LRRC57: variants seen among roughly 807,000 people sequenced by gnomAD.
LRRC57 encodes leucine rich repeat containing 57.
Under a neutral mutation model 23.1 loss-of-function variants are expected in LRRC57, and 14 were observed. That is an observed-to-expected ratio of 0.61 (90% confidence interval 0.40 to 0.95). The LOEUF is 0.95. LRRC57 is among the 40% of genes least tolerant of loss of function. LRRC57 has a pLI of 0.00. For synonymous variants in LRRC57, 106 were observed against 115.2 expected (o/e 0.92, Z 0.51); for missense variants, 236 against 284.4 (o/e 0.83, Z 1.22).
chr15:42,535,460 T>G (rs1265426702), downstream of LRRC57, among the ~76,000 whole-genome samples: 5 of 152,036 alleles, frequency 3.3e-5, no homozygotes, highest in Non-Finnish European at 5.9e-5. Flanking sequence ...TTTTTTTTTT[T>G]TTTGAGACAG....
At chr15:42,534,123 TTTTG>T (rs1222455775), downstream of LRRC57, among the ~76,000 whole-genome samples, 1 of 152,040 alleles carries the variant, frequency 6.6e-6, no homozygotes, top group African/African-American at 2.4e-5. Context: ...GAAGTCTCTT[TTTTG>T]TTTGTTTTGT....
chr15:42,534,956 A>T (rs1034081687), downstream of LRRC57, among the ~76,000 whole-genome samples: 42 of 152,216 alleles, frequency 2.8e-4, no homozygotes, highest in African/African-American at 9.9e-4. Flanking sequence ...TAAGGCCCCT[A>T]TATTTTCAAA....
downstream of LRRC57, among the ~76,000 whole-genome samples, chr15:42,536,653 A>C (rs987015666): frequency 2.5e-4 from 38 of 151,994 alleles, no homozygotes; most frequent in African/African-American, 8.5e-4. Context: ...TCAAAATTAG[A>C]CTCCATCATG....
At chr15:42,536,039 C>T (rs924162896), downstream of LRRC57, among the ~76,000 whole-genome samples, 1 of 152,170 alleles carries the variant, frequency 6.6e-6, no homozygotes, top group Admixed American at 6.5e-5. Flanking sequence ...GATTGCGCCA[C>T]TACACTCCAG....
chr15:42,529,844 A>T, the LRRC57 span: 1 of 1,608,666 alleles, frequency 6.2e-7, no homozygotes, highest in Admixed American at 1.7e-5. Context: ...TTGCCACAAG[A>T]AAATGAGACA....
At position 42,539,615 on chromosome 15, in the gene LRRC57, T is replaced by C. The variant is rs969772482; in HGVS notation, c.*4468A>G. 1 of 151,636 alleles carries C rather than the reference T, an allele frequency of 6.6e-6. No individual in the cohort carries two copies. Among genetic ancestry groups the C allele is most frequent in the Non-Finnish European group, 1.5e-5 (1 of 68,000 alleles). The allele number at this position is 151,636 out of a possible 1,614,324, so 9.4% of individuals were successfully genotyped here. A position where few individuals can be genotyped will look rare whatever the true frequency, so the allele number is the denominator to read the frequency against. Reference sequence around the variant, plus strand: ...AGCCCAGGCAACACAGCAAGATCTGTCGCAAAAAAAGAAAAAAAAAATTAG... The same window carrying C: ...AGCCCAGGCAACACAGCAAGATCTGCCGCAAAAAAAGAAAAAAAAAATTAG... On this transcript the variant is annotated 3_prime_UTR_variant, in exon 6 of 6. Transcript: ENST00000397130.
At position 42,541,441 on chromosome 15, in the gene LRRC57, T is replaced by C. The variant is rs2057628784; in HGVS notation, c.*2642A>G. 6.6e-6 allele frequency: 1 copy of C among 152,160 alleles called. No individual in the cohort carries two copies. The highest frequency in any genetic ancestry group is 2.4e-5 in the African/African-American group (1 of 41,420). 9.4% of individuals were successfully genotyped at this position (152,160 alleles called of 1,614,324 possible). On this transcript the variant is annotated 3_prime_UTR_variant, in exon 6 of 6. Coordinates refer to ENST00000397130, the MANE Select transcript of LRRC57 (RefSeq NM_153260.3). The stretch of plus-strand genomic sequence containing the variant: ...ATCAGTTGAACCTGGTAGGTGGAGG[T>C]TGCAGTGAGCCAAGATAGTGCTACT...
At chr15:42,537,229 T>TCACACA (rs1445243515), downstream of LRRC57, among the ~76,000 whole-genome samples, 10 of 108,996 alleles carry the variant, frequency 9.2e-5, no homozygotes, top group African/African-American at 2.8e-4. Context: ...TCTCTCTCTC[T>TCACACA]CTCTCACACA....
the LRRC57 span, among the ~76,000 whole-genome samples, chr15:42,529,149 G>A: frequency 1.8e-4 from 28 of 152,276 alleles, no homozygotes; most frequent in Non-Finnish European, 3.1e-4. Context: ...GTTAAAGCAG[G>A]CATAAACAAT....
intron 5 of LRRC57, among the ~76,000 whole-genome samples, chr15:42,544,709 G>C (rs1018592470): frequency 3.0e-4 from 45 of 151,374 alleles, no homozygotes; most frequent in African/African-American, 1.1e-3. Context: ...AGCTACTAGG[G>C]GGGCTGAGGG....
the LRRC57 span, among the ~76,000 whole-genome samples, chr15:42,530,125 G>A: frequency 5.3e-5 from 8 of 152,162 alleles, no homozygotes; most frequent in African/African-American, 1.9e-4. Context: ...GTTTTATTTT[G>A]TTAACTAATT....
chr15:42,546,955 AT>A (rs963993594), intron 4 of LRRC57, among the ~76,000 whole-genome samples: 9 of 152,176 alleles, frequency 5.9e-5, no homozygotes, highest in African/African-American at 2.2e-4. Flanking sequence ...TTAGGGGCAT[AT>A]ATTTGAGGAG....
In LRRC57 at chr15:42,541,133, A is replaced by T. The variant is rs1386146325; in HGVS notation, c.*2950T>A. 1 of 152,258 alleles carries T rather than the reference A, an allele frequency of 6.6e-6. No individual in the cohort carries two copies. The highest frequency in any genetic ancestry group is 1.5e-5 in the Non-Finnish European group (1 of 68,040). 9.4% of individuals were successfully genotyped at this position (152,258 alleles called of 1,614,324 possible). On this transcript the variant is annotated 3_prime_UTR_variant, in exon 6 of 6. Transcript: ENST00000397130. ...CAGTAGATCAATAAGATTAATAAAC[A>T]TTAAAATTTAGAAAAAACAAAACTC...
At chr15:42,530,536 G>A in the LRRC57 span, among the ~76,000 whole-genome samples, 1 of 152,164 alleles carries the variant, frequency 6.6e-6, no homozygotes, top group African/African-American at 2.4e-5. Flanking sequence ...GAGGCAGGAG[G>A]ATTGCTTGAG....
chr15:42,537,574 G>A (rs2057607024), downstream of LRRC57, among the ~76,000 whole-genome samples: 1 of 152,136 alleles, frequency 6.6e-6, no homozygotes, highest in Non-Finnish European at 1.5e-5. Context: ...ATATATTAAA[G>A]GGATACCTGC....
In LRRC57 at chr15:42,548,444, G is replaced by A. The variant is rs1364259768; in HGVS notation, c.-10C>T. ...GCGCACTGTTTCCCATCCTAGCGCC[G>A]CGGCTCAGGTCCCTGCGGGAAGGAA... On this transcript the variant is annotated 5_prime_UTR_variant, in exon 2 of 6. Coordinates refer to ENST00000397130, the MANE Select transcript of LRRC57 (RefSeq NM_153260.3). The A allele has an allele frequency of 6.2e-7, 1 of 1,612,956 alleles. No homozygotes were observed. Among genetic ancestry groups the A allele is most frequent in the African/African-American group, 1.3e-5 (1 of 74,940 alleles).
In LRRC57 at chr15:42,538,381, T is replaced by A. The variant is rs924244593; in HGVS notation, c.*5702A>T. ...AGTAAAAGCAAGTTTATTAAAAAAG[T>A]AAAGGAATAAAAGAATGGCTACTCC... On this transcript the variant is annotated 3_prime_UTR_variant, in exon 6 of 6. Coordinates refer to ENST00000397130, the MANE Select transcript of LRRC57 (RefSeq NM_153260.3). The A allele has an allele frequency of 6.6e-6, 1 of 152,186 alleles. No homozygotes were observed. Among genetic ancestry groups the A allele is most frequent in the African/African-American group, 2.4e-5 (1 of 41,464 alleles). The allele number at this position is 152,186 out of a possible 1,614,324, so 9.4% of individuals were successfully genotyped here.
the LRRC57 span, chr15:42,531,658 G>A: frequency 4.4e-6 from 2 of 453,334 alleles, no homozygotes; most frequent in Middle Eastern, 5.7e-4. Context: ...GCCGACTGCT[G>A]CTCTGCCTTC....
chr15:42,539,952 T>G lies in LRRC57; in HGVS notation c.*4131A>C, dbSNP rs1342986046. 1 of 152,074 alleles carries G rather than the reference T, an allele frequency of 6.6e-6. No homozygotes were observed. Among genetic ancestry groups the G allele is most frequent in the African/African-American group, 2.4e-5 (1 of 41,388 alleles). The allele number at this position is 152,074 out of a possible 1,614,324, so 9.4% of individuals were successfully genotyped here. A position where few individuals can be genotyped will look rare whatever the true frequency, so the allele number is the denominator to read the frequency against. On this transcript the variant is annotated 3_prime_UTR_variant, in exon 6 of 6. Transcript: ENST00000397130. ...GCTCACGCCTGCAATTCCCAGCATT[T>G]TGGGAGGCCAAGGCAGGTGGATCAA...
Sources: allele counts gnomAD v4.1 joint callset (sites outside exome capture counted in the v4.1 genomes callset), GRCh38; gene constraint gnomAD v4.1.1; transcripts MANE v1.5; gene names NCBI Gene and HGNC (gene_info 2026-07-23, HGNC 2026-07-21).